Variants in POC1B observed in about 807,000 individuals in gnomAD.
POC1B encodes the protein POC1 centriolar protein homolog B.
In POC1B, 44 loss-of-function variants were observed where a neutral mutation model predicts 60.6. The observed-to-expected ratio is 0.73, with a 90% CI of 0.57 to 0.93. The LOEUF is 0.93. POC1B is among the 40% of genes least tolerant of loss of function. The pLI, the probability that POC1B is intolerant of heterozygous loss-of-function variation, is 0.00. For synonymous variants in POC1B, 180 were observed against 198.9 expected (o/e 0.90, Z 0.80); for missense variants, 555 against 572.3 (o/e 0.97, Z 0.31).
At chr12:89,465,061 C>T (rs1336595337) in intron 9 of POC1B, among the ~76,000 whole-genome samples, 6 of 151,986 alleles carry the variant, frequency 3.9e-5, no homozygotes, top group Non-Finnish European at 4.4e-5. Context: ...TCTAATTCCA[C>T]GATGAAGAAA....
At chr12:89,501,913 A>G (rs1869590412) in intron 2 of POC1B, 7 of 1,123,156 alleles carry the variant, frequency 6.2e-6, no homozygotes, top group Non-Finnish European at 9.6e-6. Flanking sequence ...TGGAGGTATC[A>G]TTGGTCATGA....
At chr12:89,429,540 C>A (rs1880935968) in intron 10 of POC1B, 1 of 152,214 alleles carries the variant, frequency 6.6e-6, no homozygotes, top group South Asian at 2.1e-4. Flanking sequence ...AGATACTCTC[C>A]TATTTCAAAG....
chr12:89,454,735 C>G (rs1406542702), intron 10 of POC1B, among the ~76,000 whole-genome samples: 1 of 152,178 alleles, frequency 6.6e-6, no homozygotes, highest in Non-Finnish European at 1.5e-5. Context: ...CCTTTTTCAC[C>G]TTTGCATTCC....
intron 7 of POC1B, among the ~76,000 whole-genome samples, chr12:89,469,591 G>A (rs1882809997): frequency 6.6e-6 from 1 of 152,206 alleles, no homozygotes; most frequent in Admixed American, 6.5e-5. Flanking sequence ...AGGCAGGAGA[G>A]TAGAAGGTGT....
chr12:89,445,736 C>G (rs1881754329), intron 10 of POC1B, among the ~76,000 whole-genome samples: 1 of 152,124 alleles, frequency 6.6e-6, no homozygotes. Context: ...GCAATGGCAA[C>G]AAAAGCCAAA....
chr12:89,447,806 T>C (rs894854858), intron 10 of POC1B, among the ~76,000 whole-genome samples: 1 of 151,972 alleles, frequency 6.6e-6, no homozygotes, highest in Admixed American at 6.6e-5. Context: ...AGCAGAAGTG[T>C]CCAAGTAAAT....
chr12:89,504,921 A>G (rs1215840953), intron 2 of POC1B, among the ~76,000 whole-genome samples: 1 of 152,210 alleles, frequency 6.6e-6, no homozygotes, highest in Non-Finnish European at 1.5e-5. Context: ...CTTGGGCAAC[A>G]TAATGAGACT....
At chr12:89,467,783 T>C in intron 7 of POC1B, 98 bp from the exon 8 acceptor site, 1 of 851,742 alleles carries the variant, frequency 1.2e-6, no homozygotes, top group Non-Finnish European at 1.9e-6. Flanking sequence ...AATTTATGCA[T>C]ACTACTCATG....
intron 2 of POC1B, among the ~76,000 whole-genome samples, chr12:89,514,366 C>T (rs1870335513): frequency 8.0e-6 from 1 of 125,586 alleles, no homozygotes. Context: ...CCAATCAAAA[C>T]TCTTTTCTTT....
At chr12:89,525,249 G>T (rs1273695210) in intron 1 of POC1B, 45 bp from the exon 2 acceptor site, 8 of 1,574,852 alleles carry the variant, frequency 5.1e-6, no homozygotes, top group South Asian at 1.2e-5. Flanking sequence ...CGCAGACCTC[G>T]AATTCTGGCG....
chr12:89,479,614 T>C (rs1883244062), intron 4 of POC1B, among the ~76,000 whole-genome samples: 1 of 152,170 alleles, frequency 6.6e-6, no homozygotes, highest in African/African-American at 2.4e-5. Context: ...AGAAACTACC[T>C]ATTCACCTCC....
At chr12:89,469,752 A>G (rs1407990684) in intron 7 of POC1B, among the ~76,000 whole-genome samples, 1 of 152,214 alleles carries the variant, frequency 6.6e-6, no homozygotes, top group African/African-American at 2.4e-5. Context: ...ACCCATCACC[A>G]TTTACCCAGT....
At chr12:89,474,250 A>G (rs1363583997) in intron 4 of POC1B, among the ~76,000 whole-genome samples, 2 of 152,144 alleles carry the variant, frequency 1.3e-5, no homozygotes, top group East Asian at 3.9e-4. Flanking sequence ...GCAAGGGATC[A>G]AATTGTCTTA....
chr12:89,514,135 A>G (rs1176480056), intron 2 of POC1B, among the ~76,000 whole-genome samples: 1 of 152,132 alleles, frequency 6.6e-6, no homozygotes, highest in East Asian at 1.9e-4. Flanking sequence ...CTGGAGGGAC[A>G]TGATTGGATC....
chr12:89,457,921 C>G (rs1264085658), intron 10 of POC1B, among the ~76,000 whole-genome samples: 9 of 152,170 alleles, frequency 5.9e-5, no homozygotes, highest in Admixed American at 5.9e-4. Context: ...CTACAACAGA[C>G]ACATATGATC....
intron 2 of POC1B, among the ~76,000 whole-genome samples, chr12:89,513,671 C>G (rs1870296644): frequency 6.6e-6 from 1 of 152,158 alleles, no homozygotes; most frequent in Non-Finnish European, 1.5e-5. Context: ...CTAGAGGTCC[C>G]CAACCCCCAG....
chr12:89,525,675 G>A, intron 1 of POC1B: 1 of 1,245,904 alleles, frequency 8.0e-7, no homozygotes, highest in Middle Eastern at 3.0e-4. Flanking sequence ...GGGGAAGAGC[G>A]TCCGGGAGCC....
At chr12:89,521,784 G>A in intron 2 of POC1B, 2 of 381,600 alleles carry the variant, frequency 5.2e-6, no homozygotes, top group East Asian at 7.4e-5. Context: ...ATTCACAATT[G>A]CCAAGGCAGT....
chr12:89,460,702 GTTAAA>G (rs1158472253), intron 9 of POC1B: 9 of 152,110 alleles, frequency 5.9e-5, no homozygotes, highest in African/African-American at 2.2e-4. Context: ...GGACTTTAAT[GTTAAA>G]TTAAAAAGTA....
Sources: gnomAD v4.1 joint callset for allele counts (sites outside exome capture counted in the v4.1 genomes callset) on GRCh38, gnomAD v4.1.1 for gene constraint, MANE v1.5 for transcripts, NCBI Gene and HGNC (gene_info 2026-07-23, HGNC 2026-07-21) for gene names.